NECTIN1: variants seen among roughly 807,000 people sequenced by gnomAD.
The protein encoded by NECTIN1 is nectin-1.
NECTIN1 carries 23 observed loss-of-function variants against 48.0 expected under a neutral mutation model. That is an observed-to-expected ratio of 0.48 (90% confidence interval 0.34 to 0.68). The LOEUF is 0.68. NECTIN1 is among the 30% of genes least tolerant of loss of function. The pLI, the probability that NECTIN1 is intolerant of heterozygous loss-of-function variation, is 0.01. For synonymous variants in NECTIN1, 270 were observed against 288.9 expected (o/e 0.93, Z 0.66); for missense variants, 591 against 709.9 (o/e 0.83, Z 1.90).
In NECTIN1 at chr11:119,691,086, T is replaced by C. The variant is rs10892432; in HGVS notation, c.80-12321A>G. On this transcript the variant is annotated intron_variant, in intron 1 of 5. Coordinates refer to ENST00000264025, the MANE Select transcript of NECTIN1 (RefSeq NM_002855.5). ...CCCCAACTCAATGTGCTTGCCCCAG[T>C]GTTAACCACCAAAAGCATTCTCCCC... is the stretch of plus-strand genomic sequence containing the variant. Among the ~76,000 whole-genome samples, 854 of 152,256 alleles carry C rather than the reference T, an allele frequency of 5.6e-3. 5 individuals carry two copies. The highest frequency in any genetic ancestry group is 0.048 in the East Asian group (248 of 5,178).
rs530680258 is a variant in NECTIN1 at position 119,641,729 on chromosome 11, C to CT, written c.1004-1718dup. On this transcript the variant is annotated intron_variant, in intron 5 of 7. Coordinates refer to the NECTIN1 transcript ENST00000341398. ...TTTCAGTCTCTTTTCTTTTCTTTTT[C>CT]TTTTTTTTTTTTAGACGGAGTCTCA... 1,172 of 145,852 alleles carry CT rather than the reference C, an allele frequency of 8.0e-3. 18 individuals carry two copies. The highest frequency in any genetic ancestry group is 0.024 in the African/African-American group (975 of 39,860). 9.0% of individuals were successfully genotyped at this position (145,852 alleles called of 1,614,324 possible). A position where few individuals can be genotyped will look rare whatever the true frequency, so the allele number is the denominator to read the frequency against.
intron 5 of NECTIN1, among the ~76,000 whole-genome samples, chr11:119,650,284 C>CTT (rs1864469432): frequency 2.0e-5 from 3 of 152,208 alleles, no homozygotes; most frequent in African/African-American, 7.2e-5. Context: ...GATGGCTTAG[C>CTT]CTGGGCTCAG....
chr11:119,722,889 T>C (rs76615225), intron 1 of NECTIN1, among the ~76,000 whole-genome samples: 2,115 of 152,350 alleles, frequency 0.014, 46 homozygotes, highest in African/African-American at 0.049. Flanking sequence ...GCTACGCACT[T>C]TTCATACAAC....
chr11:119,677,499 G>A lies in NECTIN1; in HGVS notation c.733+56C>T. ...AAGGGAGGAGAAAGGAGAGGAGGAG[G>A]GAGGAGGGACAGTGGCGCCCACCCC... On this transcript the variant is annotated intron_variant, in intron 3 of 5. Coordinates refer to ENST00000264025, the MANE Select transcript of NECTIN1 (RefSeq NM_002855.5). This position sits in a 1 kb window ranked among gnomAD's most constrained non-coding sequence, Gnocchi z 5.4. 2 of 1,565,558 alleles carry A rather than the reference G, an allele frequency of 1.3e-6. No individual in the cohort carries two copies. Among genetic ancestry groups the A allele is most frequent in the East Asian group, 2.2e-5 (1 of 44,572 alleles).
chr11:119,638,104 G>A (rs746788778), exon 8 of NECTIN1: 14 of 1,611,950 alleles, frequency 8.7e-6, no homozygotes, highest in South Asian at 1.1e-5. Context: ...TGGGCTAGGG[G>A]CACTCTCCTC....
intron 1 of NECTIN1, among the ~76,000 whole-genome samples, chr11:119,718,008 G>A (rs1346413719): frequency 6.6e-6 from 1 of 152,256 alleles, no homozygotes; most frequent in East Asian, 1.9e-4. Flanking sequence ...ATCTAGAACA[G>A]CGGAGGGTCT....
chr11:119,664,287 C>A lies in NECTIN1; in HGVS notation c.*460G>T. ...TGGTGGGTGTTGGGTTCCCTCTAGC[C>A]GGGAGGAGGAGCAGCATCTGGGGGT... On this transcript the variant is annotated 3_prime_UTR_variant, in exon 6 of 6. Transcript: ENST00000264025. 1.0e-6 allele frequency: 1 copy of A among 998,374 alleles called. No homozygotes were observed. Among genetic ancestry groups the A allele is most frequent in the Non-Finnish European group, 1.2e-6 (1 of 837,516 alleles). The allele number at this position is 998,374 out of a possible 1,614,324, so 61.8% of individuals were successfully genotyped here. A position where few individuals can be genotyped will look rare whatever the true frequency, so the allele number is the denominator to read the frequency against.
At position 119,664,360 on chromosome 11, in the gene NECTIN1, T is replaced by G; in HGVS notation, c.*387A>C. ...AGCCCCTTGAGCCCTCCACCCCCAGTGAAGAAACACAAACAAATTCCAGTG... is the reference window on the plus strand; with the variant it reads ...AGCCCCTTGAGCCCTCCACCCCCAGGGAAGAAACACAAACAAATTCCAGTG... On this transcript the variant is annotated 3_prime_UTR_variant, in exon 6 of 6. Transcript: ENST00000264025. The G allele has an allele frequency of 9.7e-7, 1 of 1,032,400 alleles. No individual in the cohort carries two copies. Among genetic ancestry groups the G allele is most frequent in the Non-Finnish European group, 1.2e-6 (1 of 859,176 alleles). The allele number at this position is 1,032,400 out of a possible 1,614,324, so 64.0% of individuals were successfully genotyped here.
At chr11:119,703,929 C>T (rs907532677) in intron 1 of NECTIN1, among the ~76,000 whole-genome samples, 6 of 152,236 alleles carry the variant, frequency 3.9e-5, no homozygotes, top group East Asian at 3.8e-4. Flanking sequence ...TCAGGAATGG[C>T]GCTCACAGGG....
At chr11:119,648,385 GTGGTGGTGA>G in intron 5 of NECTIN1, among the ~76,000 whole-genome samples, 1 of 66,618 alleles carries the variant, frequency 1.5e-5, no homozygotes, top group Admixed American at 1.5e-4. Context: ...GATGGTGGTG[GTGGTGGTGA>G]TGGTGGTGAT....
In NECTIN1 at chr11:119,665,184, C is replaced by G; in HGVS notation, c.1117G>C (p.Gly373Arg). ...CGCCGACGCAGGGCGACCACGATCC[C>G]GCCGACCACAATCAACACCAGCAGG... ...SILLVLIVVG[G>R]IVVALRRRRH... The change falls in exon 6 of 6, where the codon GGG becomes CGG. Residue 373 changes from glycine (G) to arginine (R), a missense_variant. Transcript: ENST00000264025. This position sits in a 1 kb window ranked among gnomAD's most constrained non-coding sequence, Gnocchi z 5.1. 1.2e-6 allele frequency: 2 copies of G among 1,609,994 alleles called. No individual in the cohort carries two copies. Among genetic ancestry groups the G allele is most frequent in the Non-Finnish European group, 1.7e-6 (2 of 1,179,922 alleles).
chr11:119,715,338 G>A (rs1322109627), intron 1 of NECTIN1, among the ~76,000 whole-genome samples: 1 of 152,136 alleles, frequency 6.6e-6, no homozygotes, highest in African/African-American at 2.4e-5. Context: ...AGGAACAAGT[G>A]GGCTCAGGTT....
chr11:119,672,728 A>G lies in NECTIN1; in HGVS notation c.1003+2431T>C, dbSNP rs1364673125. 5.9e-5 allele frequency among the ~76,000 whole-genome samples: 9 copies of G among 151,498 alleles called. No homozygotes were observed. The highest frequency in any genetic ancestry group is 5.3e-4 in the Admixed American group (8 of 15,236). On this transcript the variant is annotated intron_variant, in intron 5 of 5. Coordinates refer to ENST00000264025, the MANE Select transcript of NECTIN1 (RefSeq NM_002855.5). This position sits in a 1 kb window ranked among gnomAD's most constrained non-coding sequence, Gnocchi z 4.3. ...AGGCCTTGCTCCTTCCTCCCTGCCCACTCTGCTCCAGCCATTTTCCTTCCC... is the reference window on the plus strand; with the variant it reads ...AGGCCTTGCTCCTTCCTCCCTGCCCGCTCTGCTCCAGCCATTTTCCTTCCC...
chr11:119,677,745 A>G lies in NECTIN1; in HGVS notation c.543T>C (p.Ser181=). 1 of 1,614,074 alleles carries G rather than the reference A, an allele frequency of 6.2e-7. No homozygotes were observed. The highest frequency in any genetic ancestry group is 8.5e-7 in the Non-Finnish European group (1 of 1,179,986). The part of the protein sequence containing the change: ...TCTSANGKPP[S]VVSWETRLKG... ...TTAACCGAGTTTCCCAGGATACCAC[A>G]CTGGGAGGCTTCCCATTGGCTGAGG... Residue 181 remains serine, a synonymous_variant, in exon 3 of 6, where the codon AGT becomes AGC. Coordinates refer to ENST00000264025, the MANE Select transcript of NECTIN1 (RefSeq NM_002855.5). The surrounding 1 kb of genome is among the most constrained non-coding windows in gnomAD (Gnocchi z 5.4).
At chr11:119,710,250 G>A (rs1291067983) in intron 1 of NECTIN1, among the ~76,000 whole-genome samples, 1 of 152,254 alleles carries the variant, frequency 6.6e-6, no homozygotes, top group African/African-American at 2.4e-5. Context: ...GACATGCTCA[G>A]GAACACGCGG....
chr11:119,664,189 C>A lies in NECTIN1; in HGVS notation c.*558G>T. On this transcript the variant is annotated 3_prime_UTR_variant, in exon 6 of 6. Coordinates refer to ENST00000264025, the MANE Select transcript of NECTIN1 (RefSeq NM_002855.5). ...CCTGGGAACTGGGGAGAAGCCGCAC[C>A]CCTCCCCCTACCTCTTGGGCGCACC... 2 of 986,884 alleles carry A rather than the reference C, an allele frequency of 2.0e-6. No homozygotes were observed. Among genetic ancestry groups the A allele is most frequent in the Non-Finnish European group, 2.4e-6 (2 of 830,748 alleles). 61.1% of individuals were successfully genotyped at this position (986,884 alleles called of 1,614,324 possible). A position where few individuals can be genotyped will look rare whatever the true frequency, so the allele number is the denominator to read the frequency against.
rs574712425 is a variant in NECTIN1, at chr11:119,717,947, T to C, written c.79+10528A>G. Among the ~76,000 whole-genome samples, 4 of 152,356 alleles carry C rather than the reference T, an allele frequency of 2.6e-5. No homozygotes were observed. In the East Asian group the frequency reaches 5.8e-4, roughly 22 times the overall value. The stretch of plus-strand genomic sequence containing the variant: ...GAGCTGATCACATAGCTCTGGCTTG[T>C]GTCTGGGCCACAGAGGCCGCGCGGT... On this transcript the variant is annotated intron_variant, in intron 1 of 5. Coordinates refer to ENST00000264025, the MANE Select transcript of NECTIN1 (RefSeq NM_002855.5).
chr11:119,710,528 T>C (rs981358422), intron 1 of NECTIN1, among the ~76,000 whole-genome samples: 8 of 151,980 alleles, frequency 5.3e-5, no homozygotes, highest in East Asian at 1.9e-4. Flanking sequence ...GTTCACAAAG[T>C]GCCATGATGA....
At chr11:119,648,143 C>G (rs142557114) in intron 5 of NECTIN1, among the ~76,000 whole-genome samples, 1 of 139,946 alleles carries the variant, frequency 7.1e-6, no homozygotes, top group Non-Finnish European at 1.5e-5. Flanking sequence ...TGGCACTGAG[C>G]GGCGCCCAGA....
Sources: allele counts gnomAD v4.1 joint callset (sites outside exome capture counted in the v4.1 genomes callset), GRCh38; gene constraint gnomAD v4.1.1; non-coding constraint Gnocchi (gnomAD v3.1); transcripts MANE v1.5; gene names NCBI Gene and HGNC (gene_info 2026-07-23, HGNC 2026-07-21).